The following NSD1 variants were observed in gnomAD, a reference collection of about 807,000 sequenced individuals.
NSD1 encodes nuclear receptor binding SET domain protein 1.
A neutral mutation model predicts 242.7 loss-of-function variants in NSD1; 26 were observed. That is an observed-to-expected ratio of 0.11 (90% CI 0.08 to 0.15). The LOEUF is 0.15. NSD1 is among the 10% of genes least tolerant of loss of function. The pLI is 1.00. For missense variants in NSD1, 2,495 were observed against 3,272.8 expected, an observed-to-expected ratio of 0.76 and a Z score of 5.80; for synonymous variants, 1,106 against 1,178.1, an observed-to-expected ratio of 0.94 and a Z score of 1.25.
intron 5 of NSD1, among the ~76,000 whole-genome samples, chr5:177,226,208 G>A (rs1235616899): frequency 3.9e-5 from 6 of 152,070 alleles, no homozygotes; most frequent in South Asian, 4.2e-4. Context: ...CACCACACCC[G>A]GTTAATTTTT....
chr5:177,270,665 G>T (rs1757876992), intron 16 of NSD1, among the ~76,000 whole-genome samples: 1 of 152,234 alleles, frequency 6.6e-6, no homozygotes, highest in Non-Finnish European at 1.5e-5. Flanking sequence ...AACATGAGGA[G>T]CATCTGTGTA....
intron 21 of NSD1, 146 bp from the exon 22 acceptor site, chr5:177,291,808 T>A: frequency 1.3e-6 from 1 of 778,104 alleles, no homozygotes; most frequent in Non-Finnish European, 2.2e-6. Context: ...GTATCTGTGA[T>A]GTACCAGGTA....
intron 20 of NSD1, among the ~76,000 whole-genome samples, chr5:177,286,693 C>T (rs1357006784): frequency 2.0e-5 from 3 of 152,184 alleles, no homozygotes; most frequent in Non-Finnish European, 4.4e-5. Context: ...TATAGTTCCT[C>T]TATAATAAAT....
intron 4 of NSD1, among the ~76,000 whole-genome samples, chr5:177,206,374 A>T (rs905162018): frequency 5.3e-5 from 8 of 152,062 alleles, no homozygotes; most frequent in Admixed American, 3.3e-4. Context: ...GAACTCCTGG[A>T]CTTAATCTTC....
Position 177,294,865 on chromosome 5 carries a change from T to C in NSD1, c.7497T>C (p.His2499=). 1.2e-6 allele frequency: 2 copies of C among 1,613,322 alleles called. No homozygotes were observed. The highest frequency in any genetic ancestry group is 1.7e-6 in the Non-Finnish European group (2 of 1,179,962). The part of the protein sequence containing the change: ...SSWPASKGLG[H]MPRAVEKGCV... The stretch of plus-strand genomic sequence containing the variant: ...GGCCTGCCAGCAAAGGTCTGGGGCA[T>C]ATGCCGAGAGCTGTTGAGAAAGGCT... The change falls in exon 23 of 23, where the codon CAT becomes CAC. Residue 2499 remains histidine, a synonymous_variant. Coordinates refer to ENST00000439151, the MANE Select transcript of NSD1 (RefSeq NM_022455.5).
At chr5:177,219,743 C>T (rs1764088016) in intron 5 of NSD1, among the ~76,000 whole-genome samples, 1 of 152,106 alleles carries the variant, frequency 6.6e-6, no homozygotes, top group Non-Finnish European at 1.5e-5. Context: ...GGCGAGATCA[C>T]CTGAGGTCAG....
chr5:177,274,496 C>CT (rs1029142437), intron 17 of NSD1, among the ~76,000 whole-genome samples: 1 of 152,204 alleles, frequency 6.6e-6, no homozygotes, highest in East Asian at 1.9e-4. Flanking sequence ...TTACTAAATC[C>CT]TTTTTACAAA....
chr5:177,294,401 G>T lies in NSD1; in HGVS notation c.7033G>T (p.Val2345Phe), dbSNP rs398124384. The change falls in exon 23 of 23, where the codon GTC becomes TTC. Residue 2345 changes from valine to phenylalanine, a missense_variant. By Grantham distance (50) the Val-to-Phe change is conservative (BLOSUM62 -1). Around this residue, in one of 19 missense-constraint regions of NSD1, gnomAD observed 475 missense variants for 563.7 expected, o/e 0.84. Transcript: ENST00000439151. Reference sequence around the variant, plus strand: ...GACCAGCCCAAGCTCCTCACCCTCAGTCAGGTCCCAACCACTGGAAAGACC... The same window carrying T: ...GACCAGCCCAAGCTCCTCACCCTCATTCAGGTCCCAACCACTGGAAAGACC... ...PVTSPSSSPSVRSQPLERPLG... is the reference protein window; with the variant it reads ...PVTSPSSSPSFRSQPLERPLG... The T allele has an allele frequency of 1.9e-6, 3 of 1,614,196 alleles. No homozygotes were observed. Among genetic ancestry groups the T allele is most frequent in the Non-Finnish European group, 8.5e-7 (1 of 1,180,038 alleles).
At chr5:177,243,220 C>G (rs1214209749) in intron 8 of NSD1, among the ~76,000 whole-genome samples, 1 of 152,094 alleles carries the variant, frequency 6.6e-6, no homozygotes, top group Non-Finnish European at 1.5e-5. Context: ...CTTGCTCTGT[C>G]TCCCAGGCTG....
chr5:177,283,244 G>A (rs1029367508), intron 19 of NSD1, among the ~76,000 whole-genome samples: 2 of 152,166 alleles, frequency 1.3e-5, no homozygotes, highest in Admixed American at 6.5e-5. Flanking sequence ...ATGAGCCACC[G>A]CACCTGGCCT....
At chr5:177,139,309 C>T (rs1168505422) in intron 2 of NSD1, among the ~76,000 whole-genome samples, 3 of 148,278 alleles carry the variant, frequency 2.0e-5, no homozygotes, top group Non-Finnish European at 4.5e-5. Flanking sequence ...ACTAAAAATA[C>T]AAAAATTAGC....
chr5:177,209,476 C>T (rs1763157313), intron 4 of NSD1, among the ~76,000 whole-genome samples, 160 bp from the exon 5 acceptor site: 1 of 143,748 alleles, frequency 7.0e-6, no homozygotes, highest in Non-Finnish European at 1.5e-5. Context: ...TTGTGGTGAG[C>T]GAAGATTGTG....
At chr5:177,183,530 C>T (rs1180585681) in intron 2 of NSD1, among the ~76,000 whole-genome samples, 18 of 152,100 alleles carry the variant, frequency 1.2e-4, no homozygotes, top group Admixed American at 1.2e-3. Context: ...TTATGATATA[C>T]ATGAGATATT....
chr5:177,150,950 G>T (rs1394909677), intron 2 of NSD1, among the ~76,000 whole-genome samples: 1 of 152,176 alleles, frequency 6.6e-6, no homozygotes, highest in Non-Finnish European at 1.5e-5. Flanking sequence ...AAATATGATT[G>T]TAAATTGGTA....
chr5:177,210,640 A>G lies in NSD1; in HGVS notation c.2241A>G (p.Thr747=), dbSNP rs1261054459. Residue 747 remains threonine (T), a synonymous_variant, in exon 5 of 23, where the codon ACA becomes ACG. Coordinates refer to ENST00000439151, the MANE Select transcript of NSD1 (RefSeq NM_022455.5). ...TTCACAAACCCCAGTCAGATTTTAC[A>G]AATGATGCTCTCTCTCCAAAATTCA... ...TLVHKPQSDF[T]NDALSPKFNL... 3 of 1,614,042 alleles carry G rather than the reference A, an allele frequency of 1.9e-6. No homozygotes were observed. Among genetic ancestry groups the G allele is most frequent in the Admixed American group, 1.7e-5 (1 of 59,980 alleles).
chr5:177,151,097 G>A (rs1757659250), intron 2 of NSD1, among the ~76,000 whole-genome samples: 1 of 152,228 alleles, frequency 6.6e-6, no homozygotes, highest in African/African-American at 2.4e-5. Context: ...AGAATTGCCA[G>A]CAGGGCACGG....
chr5:177,267,970 T>A (rs1345647792), intron 15 of NSD1, among the ~76,000 whole-genome samples: 1 of 123,358 alleles, frequency 8.1e-6, no homozygotes, highest in African/African-American at 3.1e-5. Context: ...TTTTTTTTTT[T>A]AAATGAAAAG....
chr5:177,176,329 G>C (rs1270877353), intron 2 of NSD1, among the ~76,000 whole-genome samples: 1 of 151,502 alleles, frequency 6.6e-6, no homozygotes, highest in Non-Finnish European at 1.5e-5. Context: ...GCACGATCTC[G>C]GCTCACTGCA....
chr5:177,220,297 T>G (rs182534658), intron 5 of NSD1, among the ~76,000 whole-genome samples: 3 of 152,190 alleles, frequency 2.0e-5, no homozygotes, highest in Non-Finnish European at 4.4e-5. Context: ...TGTGTTCCTT[T>G]GTCTCTTGTG....
Sources: gnomAD v4.1 joint callset for allele counts (sites outside exome capture counted in the v4.1 genomes callset) on GRCh38, gnomAD v4.1.1 for gene constraint, gnomAD v4.1.1 regional missense constraint, MANE v1.5 for transcripts, NCBI Gene and HGNC (gene_info 2026-07-23, HGNC 2026-07-21) for gene names.